The following ZMYM2 variants were observed in gnomAD, a reference collection of about 807,000 sequenced individuals.
ZMYM2 encodes zinc finger MYM-type containing 2, also known as zinc finger MYM-type protein 2.
A neutral mutation model predicts 162.8 loss-of-function variants in ZMYM2; 56 were observed. The observed-to-expected ratio is 0.34, with a 90% CI of 0.28 to 0.43. ZMYM2 has a LOEUF of 0.43. Ranked by LOEUF, ZMYM2 falls within the 20% of genes least tolerant of loss-of-function variation. The pLI is 1.00. For synonymous variants in ZMYM2, 510 were observed against 541.6 expected, an observed-to-expected ratio of 0.94 and a Z score of 0.81; for missense variants, 1,275 against 1,621.8, an observed-to-expected ratio of 0.79 and a Z score of 3.67.
chr13:19,883,464 T>C, the ZMYM2 span, among the ~76,000 whole-genome samples: 2 of 152,228 alleles, frequency 1.3e-5, no homozygotes, highest in African/African-American at 4.8e-5. Context: ...TCGGGATATC[T>C]GACAGAGAAT....
intron 2 of ZMYM2, among the ~76,000 whole-genome samples, chr13:19,962,874 T>G (rs964469289): frequency 2.0e-4 from 27 of 135,698 alleles, no homozygotes; most frequent in Admixed American, 1.1e-3. Context: ...CAGGCTGGAG[T>G]GCAGTGGCGT....
intron 24 of ZMYM2, 141 bp downstream of exon 24, chr13:20,083,917 TATA>T (rs925763626): frequency 1.3e-5 from 11 of 848,646 alleles, no homozygotes; most frequent in Non-Finnish European, 2.0e-5. Flanking sequence ...TTCATTCAGT[TATA>T]ATCTTTTATT....
chr13:20,004,935 T>C, intron 4 of ZMYM2, 139 bp from the exon 5 acceptor site: 1 of 581,492 alleles, frequency 1.7e-6, no homozygotes, highest in Non-Finnish European at 2.8e-6. Context: ...TAGGAATGTC[T>C]AATAAAAATG....
chr13:20,002,378 A>G (rs1950460871), intron 3 of ZMYM2, among the ~76,000 whole-genome samples: 1 of 152,202 alleles, frequency 6.6e-6, no homozygotes, highest in African/African-American at 2.4e-5. Context: ...AATGTTTACC[A>G]TTAGCATGAG....
At chr13:20,053,963 A>C (rs1054224070) in intron 14 of ZMYM2, among the ~76,000 whole-genome samples, 2 of 152,192 alleles carry the variant, frequency 1.3e-5, no homozygotes, top group Non-Finnish European at 2.9e-5. Flanking sequence ...TATATTTATA[A>C]GGCAACTATT....
the ZMYM2 span, among the ~76,000 whole-genome samples, chr13:19,920,605 T>C: frequency 6.8e-6 from 1 of 148,096 alleles, no homozygotes; most frequent in African/African-American, 2.5e-5. Context: ...AGAAGAACAC[T>C]GAGGGGAGAG....
intron 2 of ZMYM2, among the ~76,000 whole-genome samples, chr13:19,983,496 T>TA (rs1191654952): frequency 2.0e-5 from 3 of 152,212 alleles, no homozygotes; most frequent in African/African-American, 7.2e-5. Flanking sequence ...CATTGGCTGT[T>TA]ACTTCTATAA....
the ZMYM2 span, among the ~76,000 whole-genome samples, chr13:19,880,878 T>C: frequency 0.012 from 1,777 of 151,284 alleles, 29 homozygotes; most frequent in African/African-American, 0.041. Flanking sequence ...TAAAGTTTTT[T>C]TGTTTTTGTT....
intron 2 of ZMYM2, among the ~76,000 whole-genome samples, chr13:19,984,118 T>C (rs1019557672): frequency 1.3e-5 from 2 of 152,228 alleles, no homozygotes; most frequent in African/African-American, 4.8e-5. Context: ...TGAATACTTT[T>C]GTTGAAGCAC....
At position 20,024,615 on chromosome 13, in the gene ZMYM2, T is replaced by G. The variant is rs572239286; in HGVS notation, c.1585-1997T>G. 1.8e-5 allele frequency: 4 copies of G among 224,576 alleles called. No individual in the cohort carries two copies. In the South Asian group the frequency reaches 5.5e-4, roughly 31 times the overall value. The allele number at this position is 224,576 out of a possible 1,614,324, so 13.9% of individuals were successfully genotyped here. On this transcript the variant is annotated intron_variant, in intron 7 of 24. Coordinates refer to ENST00000610343, the MANE Select transcript of ZMYM2 (RefSeq NM_197968.4). ...CTGTAGTTTCAAGTTTTAAACATTT[T>G]ATATTCTGTTTCATTGATTTGCTTT...
At chr13:20,063,052 C>A in intron 18 of ZMYM2, 81 bp downstream of exon 18, 2 of 1,425,980 alleles carry the variant, frequency 1.4e-6, no homozygotes, top group South Asian at 1.4e-5. Context: ...ATGTTTGTGT[C>A]ATTGCCTTTT....
chr13:19,969,511 T>C (rs1284896091), intron 2 of ZMYM2, among the ~76,000 whole-genome samples: 1 of 152,232 alleles, frequency 6.6e-6, no homozygotes, highest in Admixed American at 6.5e-5. Flanking sequence ...CTGTCAAGCA[T>C]GTTTTTCATA....
In ZMYM2 at chr13:19,993,516, C is replaced by T; in HGVS notation, c.444C>T (p.Asn148=). The T allele has an allele frequency of 6.2e-7, 1 of 1,613,982 alleles. No homozygotes were observed. The highest frequency in any genetic ancestry group is 1.1e-5 in the South Asian group (1 of 91,038). Residue 148 remains asparagine, a synonymous_variant, in exon 3 of 25, where the codon AAC becomes AAT. Coordinates refer to ENST00000610343, the MANE Select transcript of ZMYM2 (RefSeq NM_197968.4). ...FIERRPPETK[N]RTNDVDFSTS... is the part of the protein sequence containing the mutation. Reference sequence around the variant, plus strand: ...AACGAAGACCTCCTGAGACTAAAAACAGAACCAATGATGTGGATTTCTCCA... The same window carrying T: ...AACGAAGACCTCCTGAGACTAAAAATAGAACCAATGATGTGGATTTCTCCA...
intron 1 of ZMYM2, among the ~76,000 whole-genome samples, chr13:19,959,502 G>T (rs932422731): frequency 1.2e-4 from 18 of 152,184 alleles, no homozygotes; most frequent in African/African-American, 2.7e-4. Flanking sequence ...CTGCAGGGGG[G>T]GGCAAACCTC....
chr13:19,922,704 C>T, the ZMYM2 span, among the ~76,000 whole-genome samples: 1 of 151,822 alleles, frequency 6.6e-6, no homozygotes, highest in Non-Finnish European at 1.5e-5. Flanking sequence ...ATTAGCCAGG[C>T]GTGGTGGTGG....
chr13:19,866,241 A>G, the ZMYM2 span, among the ~76,000 whole-genome samples: 1 of 98,630 alleles, frequency 1.0e-5, no homozygotes, highest in Admixed American at 1.2e-4. Flanking sequence ...AAAACAAAAA[A>G]CAAGCAAAAA....
the ZMYM2 span, among the ~76,000 whole-genome samples, chr13:19,885,975 A>ATGTGTG: frequency 1.4e-5 from 2 of 138,582 alleles, 1 homozygote; most frequent in Non-Finnish European, 3.1e-5. Context: ...GTATACACAT[A>ATGTGTG]TATATGTATA....
the ZMYM2 span, among the ~76,000 whole-genome samples, chr13:19,926,883 G>C: frequency 6.6e-6 from 1 of 152,056 alleles, no homozygotes; most frequent in African/African-American, 2.4e-5. Context: ...GGCCAGTCTG[G>C]TCTCAAACTC....
At chr13:20,036,689 G>GT (rs1953736849) in intron 11 of ZMYM2, 48 bp from the exon 12 acceptor site, 1 of 1,397,206 alleles carries the variant, frequency 7.2e-7, no homozygotes, top group Non-Finnish European at 9.4e-7. Flanking sequence ...TCAATAATTA[G>GT]TTTTCATGTG....
Sources: allele counts gnomAD v4.1 joint callset (sites outside exome capture counted in the v4.1 genomes callset), GRCh38; gene constraint gnomAD v4.1.1; transcripts MANE v1.5; gene names NCBI Gene and HGNC (gene_info 2026-07-23, HGNC 2026-07-21).